Variants in FAF2 observed in about 807,000 individuals in gnomAD.
The protein encoded by FAF2 is FAS-associated factor 2.
Under a neutral mutation model 62.3 loss-of-function variants are expected in FAF2, and 9 were observed. That is an observed-to-expected ratio of 0.14 (90% CI 0.09 to 0.25). The LOEUF is 0.25. Ranked by LOEUF, FAF2 falls within the 10% of genes least tolerant of loss-of-function variation. The pLI is 1.00. For synonymous variants in FAF2, 202 were observed against 198.0 expected, an observed-to-expected ratio of 1.02 and a Z score of -0.17; for missense variants, 368 against 556.2, an observed-to-expected ratio of 0.66 and a Z score of 3.40.
intron 3 of FAF2, among the ~76,000 whole-genome samples, chr5:176,488,359 A>G (rs1758912333): frequency 6.6e-6 from 1 of 152,216 alleles, no homozygotes; most frequent in Non-Finnish European, 1.5e-5. Context: ...TTAATTTGCA[A>G]TTGAATTTGA....
chr5:176,468,055 C>A (rs963467173), intron 1 of FAF2, among the ~76,000 whole-genome samples: 2 of 152,162 alleles, frequency 1.3e-5, no homozygotes, highest in African/African-American at 4.8e-5. Context: ...ATCCCAGCTA[C>A]TTGAGAGGCT....
At chr5:176,467,093 CTGGGA>C (rs1758481387) in intron 1 of FAF2, among the ~76,000 whole-genome samples, 2 of 147,198 alleles carry the variant, frequency 1.4e-5, no homozygotes, top group African/African-American at 5.1e-5. Context: ...GTAAGACAGA[CTGGGA>C]TGGGCCTGCC....
chr5:176,458,067 T>G (rs894005581), intron 1 of FAF2, among the ~76,000 whole-genome samples: 3 of 152,138 alleles, frequency 2.0e-5, no homozygotes, highest in Admixed American at 6.5e-5. Flanking sequence ...CTCTTTCTCT[T>G]CTCTTTTCAC....
intron 10 of FAF2, among the ~76,000 whole-genome samples, chr5:176,502,906 G>C (rs1183579801): frequency 2.0e-5 from 3 of 151,992 alleles, no homozygotes; most frequent in Non-Finnish European, 4.4e-5. Flanking sequence ...AAATTAGCTG[G>C]GTGTGGTGGC....
At chr5:176,456,289 C>T (rs1758276583) in intron 1 of FAF2, among the ~76,000 whole-genome samples, 1 of 152,188 alleles carries the variant, frequency 6.6e-6, no homozygotes, top group Non-Finnish European at 1.5e-5. Flanking sequence ...CCAGGCTGGT[C>T]TTGAATTCCT....
intron 3 of FAF2, among the ~76,000 whole-genome samples, chr5:176,488,224 C>T (rs747861865): frequency 1.4e-4 from 21 of 152,020 alleles, no homozygotes; most frequent in Non-Finnish European, 2.6e-4. Context: ...GTGATCCATC[C>T]GCCTCAGCCT....
chr5:176,480,280 C>T (rs1463859583), intron 2 of FAF2, among the ~76,000 whole-genome samples: 2 of 151,378 alleles, frequency 1.3e-5, no homozygotes, highest in Non-Finnish European at 2.9e-5. Flanking sequence ...TTCCTAAAAA[C>T]GTGTTCCCTT....
At chr5:176,472,483 A>G (rs1758589197) in intron 1 of FAF2, among the ~76,000 whole-genome samples, 1 of 151,950 alleles carries the variant, frequency 6.6e-6, no homozygotes, top group Non-Finnish European at 1.5e-5. Flanking sequence ...GGGTCTTGCT[A>G]TGTTGTTCAG....
chr5:176,470,878 T>G (rs1012139329), intron 1 of FAF2, among the ~76,000 whole-genome samples: 2 of 152,226 alleles, frequency 1.3e-5, no homozygotes, highest in African/African-American at 4.8e-5. Flanking sequence ...TTTCCACTTT[T>G]TCCCATTCTT....
rs774634955 is a variant in FAF2 at position 176,489,020 on chromosome 5, A to G, written c.337A>G (p.Ile113Val). 14 of 1,611,184 alleles carry G rather than the reference A, an allele frequency of 8.7e-6. No homozygotes were observed. Among genetic ancestry groups the G allele is most frequent in the Middle Eastern group, 1.7e-4 (1 of 6,014 alleles). ...FRFTYYTILD[I>V]FRFALRFIRP... ...GTTTACCTATTACACGATACTTGATATATTTAGGTATGTACCTTTGGATTT... is the reference window on the plus strand; with the variant it reads ...GTTTACCTATTACACGATACTTGATGTATTTAGGTATGTACCTTTGGATTT... Residue 113 changes from isoleucine to valine, a missense_variant, in exon 4 of 11, where the codon ATA becomes GTA. This residue lies in a region of FAF2 where 331 missense variants were observed against 441.9 expected (regional missense o/e 0.75). Transcript: ENST00000261942.
chr5:176,485,297 C>T (rs1039627052), intron 2 of FAF2, among the ~76,000 whole-genome samples: 1 of 152,208 alleles, frequency 6.6e-6, no homozygotes, highest in Non-Finnish European at 1.5e-5. Flanking sequence ...ATTTGTTTGG[C>T]TGCCCACATG....
At chr5:176,476,292 G>A (rs1375410930) in intron 1 of FAF2, among the ~76,000 whole-genome samples, 3 of 152,172 alleles carry the variant, frequency 2.0e-5, no homozygotes, top group Admixed American at 2.0e-4. Flanking sequence ...AAAAAAAACA[G>A]TGTATTAATG....
chr5:176,472,130 T>G (rs894264055), intron 1 of FAF2, among the ~76,000 whole-genome samples: 11 of 147,106 alleles, frequency 7.5e-5, no homozygotes, highest in South Asian at 4.3e-4. Flanking sequence ...TTGTTTTGAG[T>G]TTTTTTTTTT....
At chr5:176,465,048 G>A (rs1022515333) in intron 1 of FAF2, among the ~76,000 whole-genome samples, 10 of 152,006 alleles carry the variant, frequency 6.6e-5, no homozygotes, top group Non-Finnish European at 2.9e-5. Flanking sequence ...CCACTACCAC[G>A]CCCAGCTAAT....
chr5:176,456,367 C>T (rs1032853492), intron 1 of FAF2, among the ~76,000 whole-genome samples: 5 of 151,984 alleles, frequency 3.3e-5, no homozygotes, highest in African/African-American at 4.8e-5. Context: ...CCACCGTGCC[C>T]GGCCCAAAAT....
At chr5:176,485,593 A>G (rs2113736697) in intron 2 of FAF2, among the ~76,000 whole-genome samples, 1 of 152,288 alleles carries the variant, frequency 6.6e-6, no homozygotes, top group Admixed American at 6.5e-5. Context: ...AATTTTTTAA[A>G]CTGAATATCA....
rs760851042 is a variant in FAF2 at position 176,479,176 on chromosome 5, C to G, written c.64-12C>G. On this transcript the variant is annotated splice_polypyrimidine_tract_variant and intron_variant, in intron 1 of 10. Coordinates refer to ENST00000261942, the MANE Select transcript of FAF2 (RefSeq NM_014613.3). ...TTTTCTCTAAGTAACTTGTTTTCAT[C>G]CTTCTTTTCAGGATCTCACTGGCAT... 1 of 1,612,998 alleles carries G rather than the reference C, an allele frequency of 6.2e-7. No homozygotes were observed. The highest frequency in any genetic ancestry group is 1.7e-5 in the Admixed American group (1 of 60,000).
chr5:176,475,514 C>T (rs993545965), intron 1 of FAF2, among the ~76,000 whole-genome samples: 3 of 152,200 alleles, frequency 2.0e-5, no homozygotes, highest in South Asian at 2.1e-4. Flanking sequence ...CGGTGGCTCA[C>T]GCCTGTAATC....
chr5:176,477,768 A>G (rs970170510), intron 1 of FAF2, among the ~76,000 whole-genome samples: 2 of 152,186 alleles, frequency 1.3e-5, no homozygotes, highest in Admixed American at 1.3e-4. Flanking sequence ...AACCCTTCAC[A>G]TTGCACATAA....
Sources: allele counts gnomAD v4.1 joint callset (sites outside exome capture counted in the v4.1 genomes callset), GRCh38; gene constraint gnomAD v4.1.1; regional missense constraint gnomAD v4.1.1; transcripts MANE v1.5; gene names NCBI Gene and HGNC (gene_info 2026-07-23, HGNC 2026-07-21).